Variants in FBXW7 observed in about 807,000 individuals in gnomAD.
The protein encoded by FBXW7 is F-box/WD repeat-containing protein 7.
A neutral mutation model predicts 86.3 loss-of-function variants in FBXW7; 11 were observed. The observed-to-expected ratio is 0.13, with a 90% confidence interval of 0.08 to 0.21. FBXW7 has a LOEUF of 0.21. Ranked by LOEUF, FBXW7 falls within the 10% of genes least tolerant of loss-of-function variation. The pLI, the probability that FBXW7 is intolerant of heterozygous loss-of-function variation, is 1.00. For synonymous variants in FBXW7, 313 were observed against 297.9 expected (o/e 1.05, Z -0.52); for missense variants, 488 against 847.4 (o/e 0.58, Z 5.27).
chr4:152,530,199 G>A (rs1749900209), intron 2 of FBXW7: 1 of 151,180 alleles, frequency 6.6e-6, no homozygotes. Context: ...TAAGTGATTT[G>A]TTAATATACA....
At chr4:152,374,904 T>C (rs1165907816) in intron 4 of FBXW7, among the ~76,000 whole-genome samples, 2 of 152,014 alleles carry the variant, frequency 1.3e-5, no homozygotes, top group African/African-American at 4.8e-5. Context: ...GGGATGATGC[T>C]GGCTTTTAAA....
At chr4:152,343,128 A>G (rs1730904507) in intron 6 of FBXW7, among the ~76,000 whole-genome samples, 1 of 152,128 alleles carries the variant, frequency 6.6e-6, no homozygotes, top group African/African-American at 2.4e-5. Context: ...TAATATCAAA[A>G]CACATGTATT....
intron 2 of FBXW7, among the ~76,000 whole-genome samples, chr4:152,432,618 C>T (rs1333457409): frequency 2.0e-5 from 3 of 151,940 alleles, no homozygotes; most frequent in Non-Finnish European, 4.4e-5. Context: ...ACCAGCCTGA[C>T]CAACATAGTG....
In FBXW7 at chr4:152,321,325, C is replaced by T; in HGVS notation, c.*1556G>A. The T allele has an allele frequency of 4.3e-6, 1 of 232,754 alleles. No individual in the cohort carries two copies. Among genetic ancestry groups the T allele is most frequent in the East Asian group, 6.1e-5 (1 of 16,428 alleles). 14.4% of individuals were successfully genotyped at this position (232,754 alleles called of 1,614,324 possible). A position where few individuals can be genotyped will look rare whatever the true frequency, so the allele number is the denominator to read the frequency against. The stretch of plus-strand genomic sequence containing the variant: ...AATAAAATTTCTAAGTGAATCAAAC[C>T]ATAGACACAATCCCTTTAAAGGTTG... On this transcript the variant is annotated 3_prime_UTR_variant, in exon 14 of 14. Transcript: ENST00000281708.
chr4:152,465,982 G>A (rs1333492686), intron 2 of FBXW7, among the ~76,000 whole-genome samples: 1 of 151,942 alleles, frequency 6.6e-6, no homozygotes, highest in African/African-American at 2.4e-5. Flanking sequence ...ATCAAAATAG[G>A]CCGTTATTTG....
chr4:152,497,516 T>C (rs892329128), intron 2 of FBXW7, among the ~76,000 whole-genome samples: 5 of 151,918 alleles, frequency 3.3e-5, no homozygotes, highest in African/African-American at 7.3e-5. Context: ...AATAGGAAAC[T>C]AGAATGATCA....
At chr4:152,521,631 C>G (rs1221334337) in intron 2 of FBXW7, among the ~76,000 whole-genome samples, 1 of 152,000 alleles carries the variant, frequency 6.6e-6, no homozygotes, top group Non-Finnish European at 1.5e-5. Context: ...AGGCTGAATT[C>G]TCTCCCAGAA....
intron 2 of FBXW7, among the ~76,000 whole-genome samples, chr4:152,524,220 A>G (rs866290762): frequency 2.0e-5 from 3 of 152,324 alleles, no homozygotes; most frequent in Middle Eastern, 6.8e-3. Context: ...CATGGAATAA[A>G]TAACTTGCCT....
intron 2 of FBXW7, among the ~76,000 whole-genome samples, chr4:152,522,604 C>A (rs1435449241): frequency 6.6e-6 from 1 of 152,084 alleles, no homozygotes; most frequent in Non-Finnish European, 1.5e-5. Flanking sequence ...TTATACCTAA[C>A]CTCTACCCAC....
chr4:152,422,416 A>C (rs1483131598), intron 2 of FBXW7, among the ~76,000 whole-genome samples: 1 of 152,218 alleles, frequency 6.6e-6, no homozygotes, highest in Admixed American at 6.5e-5. Flanking sequence ...TAGAATCATT[A>C]AGACAGACAT....
rs1473424298 is a variant in FBXW7, at chr4:152,535,811, C to CGGCTCAGGCTCG, written c.-909_-898dup. The CGGCTCAGGCTCG allele has an allele frequency of 7.6e-6, 3 of 393,352 alleles. No individual in the cohort carries two copies. Among genetic ancestry groups the CGGCTCAGGCTCG allele is most frequent in the African/African-American group, 6.2e-5 (3 of 48,178 alleles). The allele number at this position is 393,352 out of a possible 1,614,324, so 24.4% of individuals were successfully genotyped here. ...TCCCTGCCCCCCAAGCCGCCGGCTC[C>CGGCTCAGGCTCG]GGCTCAGGCTCGGGCTCCGGCTCTG... On this transcript the variant is annotated 5_prime_UTR_variant, in exon 1 of 14. Coordinates refer to ENST00000281708, the MANE Select transcript of FBXW7 (RefSeq NM_001349798.2).
chr4:152,494,180 G>C (rs544407751), intron 2 of FBXW7, among the ~76,000 whole-genome samples: 1 of 152,168 alleles, frequency 6.6e-6, no homozygotes, highest in Admixed American at 6.5e-5. Context: ...AGGTACTGCA[G>C]AGAAAGGGAG....
intron 2 of FBXW7, among the ~76,000 whole-genome samples, chr4:152,484,337 A>G (rs1745157062): frequency 6.6e-6 from 1 of 152,192 alleles, no homozygotes; most frequent in Non-Finnish European, 1.5e-5. Context: ...AGTAACCATC[A>G]GCCTTTGCCT....
At chr4:152,439,820 C>T (rs1435907452) in intron 2 of FBXW7, among the ~76,000 whole-genome samples, 2 of 145,944 alleles carry the variant, frequency 1.4e-5, no homozygotes, top group African/African-American at 2.6e-5. Context: ...GAGCCAAGAT[C>T]GTGCCACTGC....
intron 4 of FBXW7, among the ~76,000 whole-genome samples, chr4:152,409,481 A>C (rs1737730745): frequency 6.6e-6 from 1 of 152,180 alleles, no homozygotes; most frequent in Admixed American, 6.5e-5. Context: ...AGCAGTACTC[A>C]GTGACTTTTT....
intron 2 of FBXW7, among the ~76,000 whole-genome samples, chr4:152,445,910 TAAAAAAAAAAAA>T (rs11457603): frequency 2.8e-4 from 28 of 100,680 alleles, no homozygotes; most frequent in East Asian, 2.5e-3. Context: ...ACTCTGTCTT[TAAAAAAAAAAAA>T]AAAAAAAAAA....
intron 4 of FBXW7, among the ~76,000 whole-genome samples, chr4:152,380,459 AT>A (rs1347682722): frequency 1.3e-5 from 2 of 151,900 alleles, no homozygotes; most frequent in Non-Finnish European, 2.9e-5. Context: ...TGTTTTTTAA[AT>A]ATCTTCTAAA....
chr4:152,512,289 G>A (rs1042200826), intron 2 of FBXW7, among the ~76,000 whole-genome samples: 7 of 152,046 alleles, frequency 4.6e-5, no homozygotes, highest in African/African-American at 1.7e-4. Context: ...TTTAGACACA[G>A]TAAACAACAA....
chr4:152,491,742 C>T (rs1745880847), intron 2 of FBXW7, among the ~76,000 whole-genome samples: 1 of 152,092 alleles, frequency 6.6e-6, no homozygotes, highest in Admixed American at 6.6e-5. Context: ...ACTTTGAACA[C>T]ACAAAAAACA....
Sources: allele counts gnomAD v4.1 joint callset (sites outside exome capture counted in the v4.1 genomes callset), GRCh38; gene constraint gnomAD v4.1.1; transcripts MANE v1.5; gene names NCBI Gene and HGNC (gene_info 2026-07-23, HGNC 2026-07-21).